Variants in ULK4 observed in about 807,000 individuals in gnomAD.
ULK4 encodes inactive serine/threonine-protein kinase ULK4.
In ULK4, 133 loss-of-function variants were observed where a neutral mutation model predicts 160.6. The ratio of observed to expected loss-of-function variants is 0.83; its 90% confidence interval spans 0.72 to 0.96. ULK4 has a LOEUF of 0.96. Ranked by LOEUF, ULK4 falls within the 40% of genes least tolerant of loss-of-function variation. The probability of loss-of-function intolerance (pLI) is 0.00; values close to 1 mark genes in which losing one functional copy is unlikely to be tolerated. For missense variants in ULK4, 1,580 were observed against 1,499.5 expected, an observed-to-expected ratio of 1.05 and a Z score of -0.89; for synonymous variants, 534 against 539.8, an observed-to-expected ratio of 0.99 and a Z score of 0.15.
At chr3:41,806,381 C>G (rs1196078465) in intron 19 of ULK4, among the ~76,000 whole-genome samples, 1 of 151,962 alleles carries the variant, frequency 6.6e-6, no homozygotes, top group Non-Finnish European at 1.5e-5. Context: ...CTCTTTTCTT[C>G]TTTATTAGTC....
intron 32 of ULK4, among the ~76,000 whole-genome samples, chr3:41,537,555 G>C (rs572461315): frequency 6.6e-6 from 1 of 152,128 alleles, no homozygotes; most frequent in Non-Finnish European, 1.5e-5. Context: ...GTGGCAAGTA[G>C]ACCATGCTGA....
intron 17 of ULK4, among the ~76,000 whole-genome samples, chr3:41,845,734 T>G (rs1449138979): frequency 6.6e-6 from 1 of 152,190 alleles, no homozygotes; most frequent in African/African-American, 2.4e-5. Context: ...CTATTATTAT[T>G]CTATATTATT....
intron 27 of ULK4, among the ~76,000 whole-genome samples, chr3:41,700,490 T>C (rs2036637768): frequency 6.6e-6 from 1 of 152,216 alleles, no homozygotes; most frequent in African/African-American, 2.4e-5. Flanking sequence ...TGGGAAGTTA[T>C]GATCTCAGAC....
intron 19 of ULK4, among the ~76,000 whole-genome samples, chr3:41,810,303 C>T (rs1420416604): frequency 2.6e-5 from 4 of 152,066 alleles, no homozygotes; most frequent in African/African-American, 9.7e-5. Context: ...AGTGAAAGCC[C>T]ATTAGTTTTG....
At chr3:41,618,407 C>G (rs748203442) in intron 30 of ULK4, among the ~76,000 whole-genome samples, 6 of 152,162 alleles carry the variant, frequency 3.9e-5, no homozygotes, top group Non-Finnish European at 5.9e-5. Context: ...AGAAGCCCAT[C>G]AGACTAACAG....
At chr3:41,629,721 G>A (rs2033671321) in intron 30 of ULK4, among the ~76,000 whole-genome samples, 1 of 152,146 alleles carries the variant, frequency 6.6e-6, no homozygotes, top group African/African-American at 2.4e-5. Context: ...CGGGCATGGT[G>A]GCACATGCCT....
Position 41,830,062 on chromosome 3 carries a change from C to T in ULK4, c.1764+5802G>A, listed in dbSNP as rs144134290. The stretch of plus-strand genomic sequence containing the variant: ...ATCGCAAGGACAAAAAACCAAACAC[C>T]GCATGTTCTCACTCATAGGTGGGAA... On this transcript the variant is annotated intron_variant, in intron 18 of 36. Transcript: ENST00000301831. 4.7e-3 allele frequency among the ~76,000 whole-genome samples: 717 copies of T among 151,956 alleles called. 2 individuals are homozygous for T. Among genetic ancestry groups the T allele is most frequent in the African/African-American group, 0.016 (672 of 41,394 alleles).
At chr3:41,492,608 C>T (rs1331880067) in intron 32 of ULK4, among the ~76,000 whole-genome samples, 1 of 151,170 alleles carries the variant, frequency 6.6e-6, no homozygotes, top group Middle Eastern at 3.2e-3. Context: ...GGACTAAATG[C>T]TCCAATTAAA....
intron 17 of ULK4, among the ~76,000 whole-genome samples, chr3:41,878,675 T>TAAAAAAAAAA (rs33987084): frequency 2.1e-5 from 2 of 95,928 alleles, no homozygotes; most frequent in Non-Finnish European, 4.0e-5. Flanking sequence ...TTAAAACTGT[T>TAAAAAAAAAA]AAAAAAAAAA....
At chr3:41,735,125 G>T (rs770302839) in intron 22 of ULK4, among the ~76,000 whole-genome samples, 1 of 152,178 alleles carries the variant, frequency 6.6e-6, no homozygotes. Context: ...ATGATTTGAT[G>T]AAAGTGGCAT....
intron 21 of ULK4, among the ~76,000 whole-genome samples, chr3:41,755,224 G>C (rs915313809): frequency 6.6e-6 from 1 of 152,116 alleles, no homozygotes; most frequent in African/African-American, 2.4e-5. Context: ...TCCCAAGAGA[G>C]CTTAAGAGAG....
chr3:41,838,837 T>C (rs1044966286), intron 17 of ULK4, among the ~76,000 whole-genome samples: 1 of 152,152 alleles, frequency 6.6e-6, no homozygotes, highest in Non-Finnish European at 1.5e-5. Context: ...AGACAAATAC[T>C]GCATCATCTT....
intron 32 of ULK4, among the ~76,000 whole-genome samples, chr3:41,492,047 C>T (rs1231958415): frequency 6.6e-6 from 1 of 151,922 alleles, no homozygotes; most frequent in Non-Finnish European, 1.5e-5. Flanking sequence ...CATGTCCCTA[C>T]AAAGGACATG....
intron 32 of ULK4, among the ~76,000 whole-genome samples, chr3:41,485,565 C>T (rs998262331): frequency 6.6e-6 from 1 of 152,174 alleles, no homozygotes; most frequent in African/African-American, 2.4e-5. Context: ...TCTATTATCC[C>T]ATGACAATCT....
intron 35 of ULK4, among the ~76,000 whole-genome samples, chr3:41,383,011 G>C (rs1363900214): frequency 6.6e-6 from 1 of 151,828 alleles, no homozygotes; most frequent in African/African-American, 2.4e-5. Flanking sequence ...AAAACATTTA[G>C]TGTAGGCTTT....
intron 19 of ULK4, among the ~76,000 whole-genome samples, chr3:41,808,082 C>G (rs767104840): frequency 6.6e-6 from 1 of 152,090 alleles, no homozygotes; most frequent in Admixed American, 6.6e-5. Context: ...CTGGGGAATG[C>G]TAAGCTTCCT....
At chr3:41,343,316 T>C (rs200100906) in intron 35 of ULK4, among the ~76,000 whole-genome samples, 7,119 of 141,756 alleles carry the variant, frequency 0.05, 635 homozygotes, top group East Asian at 0.2. Context: ...TTTTTTTTTT[T>C]TTTTTTGAGA....
intron 16 of ULK4, among the ~76,000 whole-genome samples, chr3:41,887,415 G>C (rs903375194): frequency 6.6e-6 from 1 of 152,188 alleles, no homozygotes; most frequent in South Asian, 2.1e-4. Flanking sequence ...AAAGATATTG[G>C]AATTATTAGA....
chr3:41,846,031 T>C (rs1406650045), intron 17 of ULK4, among the ~76,000 whole-genome samples: 1 of 152,208 alleles, frequency 6.6e-6, no homozygotes, highest in Non-Finnish European at 1.5e-5. Context: ...CTTAAAGTGA[T>C]AAAACTGTCT....
Sources: allele counts gnomAD v4.1 joint callset (sites outside exome capture counted in the v4.1 genomes callset), GRCh38; gene constraint gnomAD v4.1.1; transcripts MANE v1.5; gene names NCBI Gene and HGNC (gene_info 2026-07-23, HGNC 2026-07-21).